The following FBXL4 variants were observed in gnomAD, a reference collection of about 807,000 sequenced individuals.
FBXL4 encodes the protein F-box and leucine rich repeat protein 4.
Under a neutral mutation model 58.9 loss-of-function variants are expected in FBXL4, and 40 were observed. The ratio of observed to expected loss-of-function variants is 0.68; its 90% confidence interval spans 0.53 to 0.88. FBXL4 has a LOEUF of 0.88. Ranked by LOEUF, FBXL4 falls within the 40% of genes least tolerant of loss-of-function variation. The pLI, the probability that FBXL4 is intolerant of heterozygous loss-of-function variation, is 0.00. For synonymous variants in FBXL4, 263 were observed against 265.5 expected (o/e 0.99, Z 0.09); for missense variants, 676 against 734.4 (o/e 0.92, Z 0.92).
intron 1 of FBXL4, among the ~76,000 whole-genome samples, chr6:98,947,279 G>A (rs1216541365): frequency 1.3e-5 from 2 of 152,206 alleles, no homozygotes; most frequent in Non-Finnish European, 1.5e-5. Context: ...TCACACTCTA[G>A]GGGCACCCCT....
intron 8 of FBXL4, among the ~76,000 whole-genome samples, chr6:98,878,867 C>G (rs888309712): frequency 1.3e-5 from 2 of 152,032 alleles, no homozygotes; most frequent in African/African-American, 4.8e-5. Flanking sequence ...GTCATCGGGT[C>G]CATCAAGAAG....
chr6:98,905,310 T>C, intron 6 of FBXL4, 116 bp downstream of exon 6: 1 of 1,239,966 alleles, frequency 8.1e-7, no homozygotes, highest in East Asian at 2.3e-5. Context: ...ATATTTCCTT[T>C]TTATTTTTGT....
In FBXL4 at chr6:98,905,676, T is replaced by C. The variant is rs767129948; in HGVS notation, c.859-6A>G. ...TTCAGAATCAGCTGAATAAGCTAAA[T>C]AAGACAGAGAAACCAAGATCATCAA... On this transcript the variant is annotated splice_polypyrimidine_tract_variant and splice_region_variant and intron_variant, in intron 5 of 9. Transcript: ENST00000369244. 2 of 1,610,618 alleles carry C rather than the reference T, an allele frequency of 1.2e-6. No homozygotes were observed. The highest frequency in any genetic ancestry group is 8.5e-7 in the Non-Finnish European group (1 of 1,177,266).
rs1770480598 is a variant in FBXL4, at chr6:98,871,151, G to C, written c.*3127C>G. ...CCAAAGTGACTCAGATGTTAACCAA[G>C]CAAGGAAAACATTTTACTAACGATA... On this transcript the variant is annotated 3_prime_UTR_variant, in exon 10 of 10. Transcript: ENST00000369244. 6.6e-6 allele frequency: 1 copy of C among 151,132 alleles called. No homozygotes were observed. The allele number at this position is 151,132 out of a possible 1,614,324, so 9.4% of individuals were successfully genotyped here.
intron 7 of FBXL4, among the ~76,000 whole-genome samples, chr6:98,889,254 G>C (rs1263136247): frequency 6.6e-6 from 1 of 152,182 alleles, no homozygotes; most frequent in Non-Finnish European, 1.5e-5. Flanking sequence ...AAAGGAATTA[G>C]TCCATAAACA....
chr6:98,918,950 G>A (rs565499513), intron 4 of FBXL4, among the ~76,000 whole-genome samples: 3 of 151,968 alleles, frequency 2.0e-5, no homozygotes, highest in African/African-American at 4.8e-5. Flanking sequence ...AATCATATGA[G>A]ATTTTTTTCC....
chr6:98,940,900 C>A (rs926294688), intron 1 of FBXL4, among the ~76,000 whole-genome samples: 1 of 152,056 alleles, frequency 6.6e-6, no homozygotes, highest in African/African-American at 2.4e-5. Context: ...AAGGGAAGAC[C>A]TGGGAAGAGT....
intron 2 of FBXL4, among the ~76,000 whole-genome samples, chr6:98,934,353 C>A (rs1245832551): frequency 6.6e-6 from 1 of 151,252 alleles, no homozygotes; most frequent in Non-Finnish European, 1.5e-5. Context: ...GAGCCAAGAT[C>A]GCACCACTGC....
At chr6:98,937,311 A>C in intron 1 of FBXL4, among the ~76,000 whole-genome samples, 1 of 152,196 alleles carries the variant, frequency 6.6e-6, no homozygotes, top group East Asian at 1.9e-4. Context: ...AAAAAAAAAA[A>C]AAATCTGAAT....
intron 8 of FBXL4, among the ~76,000 whole-genome samples, chr6:98,880,222 C>A (rs1446604119): frequency 6.6e-6 from 1 of 152,100 alleles, no homozygotes; most frequent in African/African-American, 2.4e-5. Flanking sequence ...ACTGAACTAT[C>A]GGCATTTAGG....
At chr6:98,915,722 AG>A (rs1020951153) in intron 5 of FBXL4, among the ~76,000 whole-genome samples, 1 of 152,222 alleles carries the variant, frequency 6.6e-6, no homozygotes, top group Admixed American at 6.5e-5. Flanking sequence ...AAACCTTAGA[AG>A]GAAACCTAGG....
At position 98,868,681 on chromosome 6, in the gene FBXL4, G is replaced by A. The variant is rs1225794699; in HGVS notation, c.*5597C>T. On this transcript the variant is annotated 3_prime_UTR_variant, in exon 10 of 10. Transcript: ENST00000369244. ...ACAACTTCATTTGTAACAGAGACTTGTTTTATCTTTAGTGTATTCTACTCT... is the reference window on the plus strand; with the variant it reads ...ACAACTTCATTTGTAACAGAGACTTATTTTATCTTTAGTGTATTCTACTCT... 1.3e-5 allele frequency: 2 copies of A among 152,128 alleles called. No individual in the cohort carries two copies. Among genetic ancestry groups the A allele is most frequent in the Non-Finnish European group, 2.9e-5 (2 of 68,002 alleles). The allele number at this position is 152,128 out of a possible 1,614,324, so 9.4% of individuals were successfully genotyped here.
intron 9 of FBXL4, 124 bp downstream of exon 9, chr6:98,875,291 C>T: frequency 1.2e-6 from 1 of 808,552 alleles, no homozygotes; most frequent in Non-Finnish European, 2.1e-6. Context: ...CAAACCAAGC[C>T]ATCTTATCAG....
chr6:98,946,178 CA>C (rs112294531), intron 1 of FBXL4, among the ~76,000 whole-genome samples: 65 of 152,170 alleles, frequency 4.3e-4, no homozygotes, highest in African/African-American at 1.4e-3. Flanking sequence ...CACAGGGAGC[CA>C]AAGAATACTA....
chr6:98,910,755 T>C (rs534177149), intron 5 of FBXL4, among the ~76,000 whole-genome samples: 2 of 152,114 alleles, frequency 1.3e-5, no homozygotes, highest in Non-Finnish European at 2.9e-5. Context: ...AGCAACGCAT[T>C]AGACGGGTGA....
chr6:98,923,042 T>C (rs529929661), intron 4 of FBXL4, among the ~76,000 whole-genome samples: 1 of 152,280 alleles, frequency 6.6e-6, no homozygotes, highest in South Asian at 2.1e-4. Flanking sequence ...ACAACCTTCT[T>C]CACAGAACTA....
chr6:98,870,157 T>C lies in FBXL4; in HGVS notation c.*4121A>G, dbSNP rs1018318714. 6.6e-6 allele frequency: 1 copy of C among 152,184 alleles called. No individual in the cohort carries two copies. Among genetic ancestry groups the C allele is most frequent in the Admixed American group, 6.6e-5 (1 of 15,264 alleles). 9.4% of individuals were successfully genotyped at this position (152,184 alleles called of 1,614,324 possible). On this transcript the variant is annotated 3_prime_UTR_variant, in exon 10 of 10. Coordinates refer to ENST00000369244, the MANE Select transcript of FBXL4 (RefSeq NM_001278716.2). Reference sequence around the variant, plus strand: ...AAACACTGCTCTTCATTTTAAAATCTAAATGGCAAAATGAGAATGATAACA... The same window carrying C: ...AAACACTGCTCTTCATTTTAAAATCCAAATGGCAAAATGAGAATGATAACA...
At chr6:98,883,794 A>G (rs1269536036) in intron 7 of FBXL4, among the ~76,000 whole-genome samples, 1 of 151,048 alleles carries the variant, frequency 6.6e-6, no homozygotes, top group Non-Finnish European at 1.5e-5. Flanking sequence ...CTTAATTATT[A>G]TACTTCATAA....
intron 4 of FBXL4, among the ~76,000 whole-genome samples, chr6:98,924,323 G>A (rs1317282880): frequency 2.0e-5 from 3 of 152,144 alleles, no homozygotes; most frequent in Admixed American, 6.5e-5. Flanking sequence ...TTGGGAGGCC[G>A]AGGCAGGCGG....
Sources: allele counts gnomAD v4.1 joint callset (sites outside exome capture counted in the v4.1 genomes callset), GRCh38; gene constraint gnomAD v4.1.1; transcripts MANE v1.5; gene names NCBI Gene and HGNC (gene_info 2026-07-23, HGNC 2026-07-21).